PRKRIP1: variants seen among roughly 807,000 people sequenced by gnomAD.
The protein encoded by PRKRIP1 is PRKR interacting protein 1, also known as PRKR-interacting protein 1.
PRKRIP1 carries 29 observed loss-of-function variants against 29.3 expected under a neutral mutation model. The observed-to-expected ratio is 0.99, with a 90% CI of 0.74 to 1.35. The LOEUF (loss-of-function observed/expected upper bound fraction) is 1.35. Ranked by LOEUF, PRKRIP1 falls within the 40% of genes most tolerant of loss-of-function variation. PRKRIP1 has a pLI of 0.00. For synonymous variants in PRKRIP1, 90 were observed against 85.1 expected (o/e 1.06, Z -0.32); for missense variants, 247 against 236.8 (o/e 1.04, Z -0.28).
Position 102,407,389 on chromosome 7 carries a change from C to T in PRKRIP1, c.393-45C>T, listed in dbSNP as rs782542328. ...GAGGTGTTTATTTTCTAAAATATAC[C>T]ATAATGTAGTTAAGGAATCAATGTA... On this transcript the variant is annotated intron_variant, in intron 4 of 5. Transcript: ENST00000397912. The T allele has an allele frequency of 6.4e-6, 8 of 1,245,948 alleles. 1 individual carries two copies. The highest frequency in any genetic ancestry group is 8.2e-6 in the Non-Finnish European group (7 of 851,152). 77.2% of individuals were successfully genotyped at this position (1,245,948 alleles called of 1,614,324 possible).
chr7:102,412,476 G>A (rs947608009), intron 5 of PRKRIP1, among the ~76,000 whole-genome samples: 7 of 152,150 alleles, frequency 4.6e-5, no homozygotes, highest in Admixed American at 2.0e-4. Context: ...GATGGCTTGA[G>A]CCCAGGTAGC....
chr7:102,417,321 C>A (rs115487747), intron 5 of PRKRIP1, among the ~76,000 whole-genome samples: 3,356 of 152,150 alleles, frequency 0.022, 128 homozygotes, highest in African/African-American at 0.078. Context: ...AGAAGAAAGT[C>A]GTTGTGTGCA....
chr7:102,425,482 A>G lies in PRKRIP1; in HGVS notation c.*371A>G. ...TTGGGACATGTGGACCGTGAGTCGC[A>G]AACACTCTGGAGAAGGCTGAGATGC... On this transcript the variant is annotated 3_prime_UTR_variant, in exon 6 of 6. Transcript: ENST00000397912. 1 of 310,206 alleles carries G rather than the reference A, an allele frequency of 3.2e-6. No homozygotes were observed. The highest frequency in any genetic ancestry group is 5.1e-5 in the Admixed American group (1 of 19,594). 19.2% of individuals were successfully genotyped at this position (310,206 alleles called of 1,614,324 possible).
In PRKRIP1 at chr7:102,425,845, G is replaced by GATTCCCAGC. The variant is rs1796817931; in HGVS notation, c.*735_*743dup. On this transcript the variant is annotated 3_prime_UTR_variant, in exon 6 of 6. Coordinates refer to ENST00000397912, the MANE Select transcript of PRKRIP1 (RefSeq NM_024653.4). ...GGCTGAGCCAGAGCAGAAGGCGAGG[G>GATTCCCAGC]ATTCCCAGCCGGACGGGGGTTCTCT... 1 of 154,204 alleles carries GATTCCCAGC rather than the reference G, an allele frequency of 6.5e-6. No individual in the cohort carries two copies. The highest frequency in any genetic ancestry group is 2.4e-5 in the African/African-American group (1 of 41,484). 9.6% of individuals were successfully genotyped at this position (154,204 alleles called of 1,614,324 possible). A position where few individuals can be genotyped will look rare whatever the true frequency, so the allele number is the denominator to read the frequency against.
chr7:102,417,827 C>T (rs1796595384), intron 5 of PRKRIP1, among the ~76,000 whole-genome samples: 3 of 151,888 alleles, frequency 2.0e-5, no homozygotes, highest in East Asian at 1.9e-4. Flanking sequence ...CGCTATATGG[C>T]CCAGGCTGGT....
At chr7:102,399,342 A>C (rs1257496559) in intron 2 of PRKRIP1, among the ~76,000 whole-genome samples, 2 of 152,112 alleles carry the variant, frequency 1.3e-5, no homozygotes, top group African/African-American at 4.8e-5. Context: ...ATTTTTAGTG[A>C]CTTTACATTC....
At chr7:102,424,988 G>C (rs782113976) in intron 5 of PRKRIP1, 26 bp from the exon 6 acceptor site, 1 of 1,603,448 alleles carries the variant, frequency 6.2e-7, no homozygotes, top group South Asian at 1.1e-5. Flanking sequence ...TTGCATGTCT[G>C]TAATTTGAAT....
intron 3 of PRKRIP1, among the ~76,000 whole-genome samples, chr7:102,402,939 A>G (rs1796112517): frequency 6.6e-6 from 1 of 151,622 alleles, no homozygotes; most frequent in Non-Finnish European, 1.5e-5. Context: ...CTGGAGTGTA[A>G]TCTTGGCTTG....
intron 4 of PRKRIP1, 103 bp from the exon 5 acceptor site, chr7:102,407,331 G>A (rs1468650822): frequency 3.0e-6 from 2 of 668,924 alleles, no homozygotes; most frequent in African/African-American, 1.8e-5. Flanking sequence ...TGTAATGTTT[G>A]TGTTATTCCG....
chr7:102,406,902 A>G (rs1458714286), intron 4 of PRKRIP1, among the ~76,000 whole-genome samples: 3 of 151,692 alleles, frequency 2.0e-5, no homozygotes, highest in African/African-American at 4.8e-5. Context: ...AAAATGATGT[A>G]TAACATAATC....
chr7:102,412,493 G>A (rs148426428), intron 5 of PRKRIP1, among the ~76,000 whole-genome samples: 67 of 152,258 alleles, frequency 4.4e-4, no homozygotes, highest in African/African-American at 1.5e-3. Context: ...TAGCCGAGGC[G>A]GCAGTGAGCT....
rs1316439253 is a variant in PRKRIP1, at chr7:102,408,422, A to G, written c.457+924A>G. On this transcript the variant is annotated intron_variant, in intron 5 of 5. Coordinates refer to ENST00000397912, the MANE Select transcript of PRKRIP1 (RefSeq NM_024653.4). Reference sequence around the variant, plus strand: ...CAGATCCAGGTCCCATTAATAAGGAAGAGTAGGAGGCAGGGTTGGCTGTTA... The same window carrying G: ...CAGATCCAGGTCCCATTAATAAGGAGGAGTAGGAGGCAGGGTTGGCTGTTA... Among the ~76,000 whole-genome samples, 3 of 152,318 alleles carry G rather than the reference A, an allele frequency of 2.0e-5. No homozygotes were observed. The East Asian group carries it at 5.8e-4, about 29-fold the overall frequency.
chr7:102,396,415 G>A lies in PRKRIP1; in HGVS notation c.4G>A (p.Ala2Thr), dbSNP rs1554570310. 2.5e-6 allele frequency: 4 copies of A among 1,576,794 alleles called. No individual in the cohort carries two copies. Among genetic ancestry groups the A allele is most frequent in the Middle Eastern group, 4.6e-4 (2 of 4,356 alleles). Reference protein sequence around the residue: MASPAASSVRPP... With the variant: MTSPAASSVRPP... ...CTTGTGAAACTGGAAGGCTGCCATGGCTAGCCCAGCCGCCTCCTCGGTGCG... is the reference window on the plus strand; with the variant it reads ...CTTGTGAAACTGGAAGGCTGCCATGACTAGCCCAGCCGCCTCCTCGGTGCG... Residue 2 changes from alanine (A) to threonine (T), a missense_variant, in exon 1 of 6, where the codon GCT becomes ACT. Transcript: ENST00000397912.
chr7:102,423,296 G>A (rs12155311), intron 5 of PRKRIP1: 32,350 of 402,352 alleles, frequency 0.08, 1,510 homozygotes, highest in Non-Finnish European at 0.1. Context: ...TGTATTTCTA[G>A]TAGAGATGAG....
chr7:102,417,178 T>TG (rs1330781909), intron 5 of PRKRIP1, among the ~76,000 whole-genome samples: 4 of 151,718 alleles, frequency 2.6e-5, no homozygotes, highest in Non-Finnish European at 4.4e-5. Flanking sequence ...TTTCTGGAGA[T>TG]GGGGTCTCAT....
rs543394089 is a variant in PRKRIP1, at chr7:102,396,922, T to C, written c.126+385T>C. ...GGCCGAGACGTTTGGAGCTGGTCAC[T>C]CCTCTCCCGCTCACACCCCCTCTGG... is the stretch of plus-strand genomic sequence containing the variant. On this transcript the variant is annotated intron_variant, in intron 1 of 5. Coordinates refer to ENST00000397912, the MANE Select transcript of PRKRIP1 (RefSeq NM_024653.4). Among the ~76,000 whole-genome samples, 23 of 152,154 alleles carry C rather than the reference T, an allele frequency of 1.5e-4. No individual in the cohort carries two copies. In the South Asian group the frequency reaches 4.8e-3, roughly 32 times the overall value.
chr7:102,422,564 ACTC>A (rs1347497424), intron 5 of PRKRIP1, among the ~76,000 whole-genome samples: 1 of 147,216 alleles, frequency 6.8e-6, no homozygotes, highest in Non-Finnish European at 1.5e-5. Context: ...CTGGTTTTGA[ACTC>A]CTGACCTCAG....
At chr7:102,407,994 T>G (rs1486414567) in intron 5 of PRKRIP1, among the ~76,000 whole-genome samples, 1 of 152,164 alleles carries the variant, frequency 6.6e-6, no homozygotes, top group Non-Finnish European at 1.5e-5. Flanking sequence ...AGCAACAAAA[T>G]GCAGCAACAA....
intron 4 of PRKRIP1, among the ~76,000 whole-genome samples, chr7:102,406,937 C>T (rs868959528): frequency 1.3e-5 from 2 of 151,620 alleles, no homozygotes; most frequent in African/African-American, 2.4e-5. Flanking sequence ...ATATATAGGC[C>T]GGGCGTGGTG....
Sources: gnomAD v4.1 joint callset for allele counts (sites outside exome capture counted in the v4.1 genomes callset) on GRCh38, gnomAD v4.1.1 for gene constraint, MANE v1.5 for transcripts, NCBI Gene and HGNC (gene_info 2026-07-23, HGNC 2026-07-21) for gene names.